WWOX: variants seen among roughly 807,000 people sequenced by gnomAD.
WWOX encodes WW domain-containing oxidoreductase.
WWOX carries 69 observed loss-of-function variants against 46.2 expected under a neutral mutation model. The ratio of observed to expected loss-of-function variants is 1.49; its 90% CI spans 1.23 to 1.82. The LOEUF is 1.82. Among genes scored for constraint, WWOX ranks in the 40% most tolerant of loss-of-function variants. The pLI is 0.00. For missense variants in WWOX, 919 were observed against 542.6 expected, an observed-to-expected ratio of 1.69 and a Z score of -6.89; for synonymous variants, 359 against 202.6, an observed-to-expected ratio of 1.77 and a Z score of -6.56.
intron 5 of WWOX, among the ~76,000 whole-genome samples, chr16:78,310,407 A>C (rs536660518): frequency 6.6e-6 from 1 of 152,216 alleles, no homozygotes; most frequent in Admixed American, 6.5e-5. Context: ...CAGAATAACA[A>C]ACACATGCTG....
rs117834689 is a variant in WWOX at position 78,667,929 on chromosome 16, A to G, written c.1056+235177A>G. 3.3e-5 allele frequency among the ~76,000 whole-genome samples: 5 copies of G among 152,210 alleles called. No homozygotes were observed. The East Asian group carries it at 9.7e-4, about 30-fold the overall frequency. The stretch of plus-strand genomic sequence containing the variant: ...TAGGATGTGCCCTCTGCCCCGTCAC[A>G]TCACACTCTGTGCTGCTCTCAGCCA... On this transcript the variant is annotated intron_variant, in intron 8 of 8. Transcript: ENST00000566780.
At chr16:79,165,821 C>T (rs2050582670) in intron 8 of WWOX, among the ~76,000 whole-genome samples, 1 of 152,150 alleles carries the variant, frequency 6.6e-6, no homozygotes, top group South Asian at 2.1e-4. Context: ...CAAATTACAT[C>T]CCTCACTCGG....
At chr16:78,513,051 G>T (rs1253692564) in intron 8 of WWOX, among the ~76,000 whole-genome samples, 4 of 152,170 alleles carry the variant, frequency 2.6e-5, no homozygotes, top group African/African-American at 9.7e-5. Flanking sequence ...GAGATTAAAA[G>T]TTAAAGTTAA....
intron 8 of WWOX, among the ~76,000 whole-genome samples, chr16:78,900,163 C>G (rs950456809): frequency 8.2e-5 from 12 of 146,454 alleles, no homozygotes; most frequent in Non-Finnish European, 1.6e-4. Flanking sequence ...ACAAACCGTT[C>G]ATCATTTTGC....
chr16:79,152,217 G>A (rs928957274), intron 8 of WWOX, among the ~76,000 whole-genome samples: 2 of 152,166 alleles, frequency 1.3e-5, no homozygotes, highest in Non-Finnish European at 2.9e-5. Context: ...AGCGGGATTC[G>A]CTGACCCATG....
intron 8 of WWOX, among the ~76,000 whole-genome samples, chr16:78,780,674 C>T (rs915760425): frequency 6.6e-6 from 1 of 152,102 alleles, no homozygotes; most frequent in Non-Finnish European, 1.5e-5. Context: ...GCAAGCGCTG[C>T]ATGGGGGAGA....
chr16:78,554,734 A>G (rs1044519294), intron 8 of WWOX, among the ~76,000 whole-genome samples: 1 of 152,096 alleles, frequency 6.6e-6, no homozygotes, highest in Non-Finnish European at 1.5e-5. Flanking sequence ...GGGCACGCAG[A>G]TTTGGTTCCT....
chr16:78,814,364 A>T (rs1473645802), intron 8 of WWOX, among the ~76,000 whole-genome samples: 1 of 152,166 alleles, frequency 6.6e-6, no homozygotes, highest in African/African-American at 2.4e-5. Flanking sequence ...ATATTAATTC[A>T]AATCATATTC....
At chr16:79,053,065 C>G (rs1257474379) in intron 8 of WWOX, among the ~76,000 whole-genome samples, 2 of 151,826 alleles carry the variant, frequency 1.3e-5, no homozygotes, top group South Asian at 2.1e-4. Flanking sequence ...TTTAGATGCT[C>G]TTAGTTAAAG....
chr16:78,793,029 G>A (rs563111478), intron 8 of WWOX, among the ~76,000 whole-genome samples: 1 of 152,200 alleles, frequency 6.6e-6, no homozygotes, highest in South Asian at 2.1e-4. Context: ...CCTTGCCCCC[G>A]CTGCCCCCTT....
At chr16:79,029,655 G>T (rs999742048) in intron 8 of WWOX, among the ~76,000 whole-genome samples, 1 of 152,176 alleles carries the variant, frequency 6.6e-6, no homozygotes, top group Non-Finnish European at 1.5e-5. Flanking sequence ...TAACTTTAAT[G>T]AGAAATTGCT....
intron 8 of WWOX, among the ~76,000 whole-genome samples, chr16:78,547,144 A>AAAAAC (rs2044056515): frequency 6.8e-6 from 1 of 146,018 alleles, no homozygotes; most frequent in Non-Finnish European, 1.5e-5. Context: ...AAAAAAAAAA[A>AAAAAC]AAAAAAAAAA....
intron 8 of WWOX, among the ~76,000 whole-genome samples, chr16:79,048,119 C>G (rs182739179): frequency 6.6e-6 from 1 of 152,114 alleles, no homozygotes; most frequent in Non-Finnish European, 1.5e-5. Context: ...ATCACAGACA[C>G]GGAAAATCAT....
At chr16:78,388,629 G>C (rs1438029581) in intron 6 of WWOX, among the ~76,000 whole-genome samples, 1 of 121,974 alleles carries the variant, frequency 8.2e-6, no homozygotes, top group East Asian at 2.9e-4. Context: ...CCTGGCGACA[G>C]ATTGAGACTC....
intron 5 of WWOX, among the ~76,000 whole-genome samples, chr16:78,306,854 T>A (rs1292966346): frequency 2.0e-5 from 3 of 152,110 alleles, no homozygotes; most frequent in East Asian, 1.9e-4. Context: ...CAATCCCCAC[T>A]GAGCCCCACT....
At chr16:78,845,870 T>C (rs577679975) in intron 8 of WWOX, among the ~76,000 whole-genome samples, 64 of 152,340 alleles carry the variant, frequency 4.2e-4, no homozygotes, top group Middle Eastern at 3.4e-3. Flanking sequence ...TGCACGTCCA[T>C]TTTAATGACC....
At chr16:78,169,337 G>T (rs941651044) in intron 5 of WWOX, among the ~76,000 whole-genome samples, 2 of 152,072 alleles carry the variant, frequency 1.3e-5, no homozygotes, top group Admixed American at 1.3e-4. Context: ...CTGGGACAAC[G>T]ATAGGTGTGT....
chr16:79,015,850 C>T (rs914901977), intron 8 of WWOX, among the ~76,000 whole-genome samples: 1 of 152,210 alleles, frequency 6.6e-6, no homozygotes, highest in South Asian at 2.1e-4. Flanking sequence ...CTCCCGGGTT[C>T]ATGTGATTGT....
chr16:79,126,413 G>T (rs554128941), intron 8 of WWOX, among the ~76,000 whole-genome samples: 9 of 152,242 alleles, frequency 5.9e-5, no homozygotes, highest in African/African-American at 1.9e-4. Context: ...TCATGGGGGT[G>T]GTTTTCCCCA....
Sources: gnomAD v4.1 joint callset for allele counts (sites outside exome capture counted in the v4.1 genomes callset) on GRCh38, gnomAD v4.1.1 for gene constraint, MANE v1.5 for transcripts, NCBI Gene and HGNC (gene_info 2026-07-23, HGNC 2026-07-21) for gene names.